Variants in ZNF676 observed in about 807,000 individuals in gnomAD.
ZNF676 encodes zinc finger protein 676.
ZNF676 carries 4 observed loss-of-function variants against 6.0 expected under a neutral mutation model. The ratio of observed to expected loss-of-function variants is 0.67; its 90% CI spans 0.33 to 1.53. ZNF676 has a LOEUF of 1.53. ZNF676 is among the 40% of genes most tolerant of loss of function. The probability of loss-of-function intolerance (pLI) is 0.06; values close to 1 mark genes in which losing one functional copy is unlikely to be tolerated. For synonymous variants in ZNF676, 198 were observed against 223.1 expected, an observed-to-expected ratio of 0.89 and a Z score of 1.00; for missense variants, 644 against 679.7, an observed-to-expected ratio of 0.95 and a Z score of 0.58.
At chr19:22,189,284 G>T (rs567496483) in intron 2 of ZNF676, among the ~76,000 whole-genome samples, 1 of 152,180 alleles carries the variant, frequency 6.6e-6, no homozygotes, top group East Asian at 1.9e-4. Context: ...AAATGATGTT[G>T]AAAAAACTTG....
At chr19:22,182,325 T>A (rs186493066) in intron 2 of ZNF676, among the ~76,000 whole-genome samples, 13 of 152,078 alleles carry the variant, frequency 8.5e-5, no homozygotes. Context: ...GTGGCCTTTT[T>A]AAATGTCCAA....
the ZNF676 span, among the ~76,000 whole-genome samples, chr19:22,253,901 A>C: frequency 6.6e-6 from 1 of 152,202 alleles, no homozygotes; most frequent in East Asian, 1.9e-4. Flanking sequence ...ATATGTAAAA[A>C]ATAGTAGTCT....
chr19:22,230,825 A>C, the ZNF676 span, among the ~76,000 whole-genome samples: 1 of 151,390 alleles, frequency 6.6e-6, no homozygotes, highest in Non-Finnish European at 1.5e-5. Flanking sequence ...CACCCGGCTA[A>C]TTTTTTGTAT....
the ZNF676 span, among the ~76,000 whole-genome samples, chr19:22,242,734 C>T: frequency 6.6e-6 from 1 of 151,876 alleles, no homozygotes; most frequent in African/African-American, 2.4e-5. Flanking sequence ...GTAACCTCAC[C>T]TAGGTGAGAA....
the ZNF676 span, among the ~76,000 whole-genome samples, chr19:22,256,967 C>A: frequency 5.3e-5 from 8 of 152,240 alleles, no homozygotes; most frequent in South Asian, 1.7e-3. Context: ...AGTGATACAT[C>A]ACAATCCCTC....
chr19:22,218,319 G>C (rs979443388), upstream of ZNF676, among the ~76,000 whole-genome samples: 2 of 151,658 alleles, frequency 1.3e-5, no homozygotes, highest in African/African-American at 4.8e-5. Flanking sequence ...TAAGGTGAGA[G>C]ATGAAGATAC....
At position 22,182,586 on chromosome 19, in the gene ZNF676, A is replaced by T. The variant is rs1412442014; in HGVS notation, c.131-1000T>A. Among the ~76,000 whole-genome samples the T allele has an allele frequency of 4.1e-4, 24 of 58,996 alleles. 1 individual carries two copies. The highest frequency in any genetic ancestry group is 1.8e-3 in the African/African-American group (24 of 13,320). The allele number at this position is 58,996 out of a possible 152,430, so 38.7% of individuals were successfully genotyped here. A position where few individuals can be genotyped will look rare whatever the true frequency, so the allele number is the denominator to read the frequency against. On this transcript the variant is annotated intron_variant, in intron 2 of 2. Coordinates refer to ENST00000397121, the MANE Select transcript of ZNF676 (RefSeq NM_001001411.3). ...AACAGTGTGATATAGTCAAAGTTCT[A>T]AAAAAAAAAAAAAAAAGCAAACAAA... is the stretch of plus-strand genomic sequence containing the variant.
intron 2 of ZNF676, among the ~76,000 whole-genome samples, chr19:22,192,646 T>C (rs2023922345): frequency 6.6e-6 from 1 of 152,030 alleles, no homozygotes; most frequent in Non-Finnish European, 1.5e-5. Context: ...CTCACACACT[T>C]CAGAGATGAT....
rs1251954219 is a variant in ZNF676, at chr19:22,193,049, T to C, written c.97A>G (p.Met33Val). The C allele has an allele frequency of 1.9e-6, 3 of 1,610,884 alleles. No individual in the cohort carries two copies. The highest frequency in any genetic ancestry group is 2.5e-6 in the Non-Finnish European group (3 of 1,178,744). The change falls in exon 2 of 3, where the codon ATG (methionine) becomes GTG (valine). Residue 33 changes from methionine (M) to valine (V), a missense_variant. This residue lies in a region of ZNF676 where 280 missense variants were observed against 269.3 expected (regional missense o/e 1.04). Coordinates refer to ENST00000397121, the MANE Select transcript of ZNF676 (RefSeq NM_001001411.3). ...TCTTCCACCATCTCATGTCTCTTCA[T>C]ATTCCAGGGCTCTTTTCCTTGCTCC... The part of the protein sequence containing the change: ...FLEQGKEPWN[M>V]KRHEMVEEPP...
At chr19:22,240,190 A>C in the ZNF676 span, among the ~76,000 whole-genome samples, 5 of 152,068 alleles carry the variant, frequency 3.3e-5, no homozygotes, top group Non-Finnish European at 7.3e-5. Flanking sequence ...GATATGTATC[A>C]ATGACACCTG....
At chr19:22,225,022 T>C in the ZNF676 span, among the ~76,000 whole-genome samples, 62,481 of 151,766 alleles carry the variant, frequency 0.41, 13,742 homozygotes, top group African/African-American at 0.57. Context: ...ATTTCAGGCA[T>C]GTTAAAGTAT....
the ZNF676 span, among the ~76,000 whole-genome samples, chr19:22,230,508 G>A: frequency 4.0e-5 from 6 of 150,386 alleles, no homozygotes; most frequent in East Asian, 1.9e-4. Context: ...AATAAAAAAG[G>A]AAAAAAAAGA....
the ZNF676 span, among the ~76,000 whole-genome samples, chr19:22,259,278 G>C: frequency 6.6e-6 from 1 of 152,120 alleles, no homozygotes; most frequent in Admixed American, 6.6e-5. Flanking sequence ...GACTCAGGAA[G>C]AAGAGAAGAG....
intron 2 of ZNF676, among the ~76,000 whole-genome samples, chr19:22,182,315 G>T (rs1197943291): frequency 6.6e-6 from 1 of 151,938 alleles, no homozygotes; most frequent in Non-Finnish European, 1.5e-5. Flanking sequence ...TTTGTGACAG[G>T]TGGCCTTTTT....
At chr19:22,241,329 T>C in the ZNF676 span, among the ~76,000 whole-genome samples, 1 of 151,886 alleles carries the variant, frequency 6.6e-6, no homozygotes, top group Non-Finnish European at 1.5e-5. Flanking sequence ...ATTTCAACAA[T>C]GGGCTGGATT....
rs372040716 is a variant in ZNF676 at position 22,180,465 on chromosome 19, C to G, written c.1252G>C (p.Glu418Gln). Residue 418 changes from glutamate (E) to glutamine (Q), a missense_variant, in exon 3 of 3, where the codon GAG becomes CAG. By Grantham distance (29) the Glu-to-Gln change is conservative. Around this residue, in one of 5 missense-constraint regions of ZNF676, gnomAD observed 306 missense variants for 265.4 expected, o/e 1.15. Coordinates refer to ENST00000397121, the MANE Select transcript of ZNF676 (RefSeq NM_001001411.3). Reference protein sequence around the residue: ...LMEHKRIHTGEKPYKCEECGK... With the variant: ...LMEHKRIHTGQKPYKCEECGK... ...CATTCTTCACACTTGTAGGGTTTCT[C>G]TCCAGTATGAATTCTCTTATGTTCC... 3 of 1,610,318 alleles carry G rather than the reference C, an allele frequency of 1.9e-6. No individual in the cohort carries two copies. In the African/African-American group the frequency reaches 4.1e-5, roughly 22 times the overall value.
At chr19:22,232,610 A>G in the ZNF676 span, among the ~76,000 whole-genome samples, 1 of 152,156 alleles carries the variant, frequency 6.6e-6, no homozygotes, top group Non-Finnish European at 1.5e-5. Flanking sequence ...CAATATCAGG[A>G]TACACAGCCT....
At chr19:22,200,661 G>T (rs2024016802), upstream of ZNF676, among the ~76,000 whole-genome samples, 1 of 151,748 alleles carries the variant, frequency 6.6e-6, no homozygotes, top group Non-Finnish European at 1.5e-5. Flanking sequence ...CAGGACTACA[G>T]GCATGAGCCA....
At chr19:22,218,543 A>T (rs1438579854), upstream of ZNF676, among the ~76,000 whole-genome samples, 3 of 147,234 alleles carry the variant, frequency 2.0e-5, no homozygotes, top group Non-Finnish European at 4.5e-5. Context: ...ACGGGGTTTC[A>T]CCATCTTGGC....
Sources: allele counts gnomAD v4.1 joint callset (sites outside exome capture counted in the v4.1 genomes callset), GRCh38; gene constraint gnomAD v4.1.1; regional missense constraint gnomAD v4.1.1; transcripts MANE v1.5; gene names NCBI Gene and HGNC (gene_info 2026-07-23, HGNC 2026-07-21).